Variants in RPRD1A observed in about 807,000 individuals in gnomAD.
RPRD1A encodes the protein regulation of nuclear pre-mRNA domain containing 1A.
RPRD1A carries 9 observed loss-of-function variants against 37.8 expected under a neutral mutation model. That is an observed-to-expected ratio of 0.24 (90% confidence interval 0.14 to 0.42). RPRD1A has a LOEUF of 0.42. RPRD1A is among the 10% of genes least tolerant of loss of function. The pLI, the probability that RPRD1A is intolerant of heterozygous loss-of-function variation, is 1.00. For synonymous variants in RPRD1A, 138 were observed against 139.7 expected, an observed-to-expected ratio of 0.99 and a Z score of 0.08; for missense variants, 255 against 371.0, an observed-to-expected ratio of 0.69 and a Z score of 2.57.
intron 1 of RPRD1A, among the ~76,000 whole-genome samples, chr18:36,060,454 A>C (rs1397320934): frequency 6.6e-6 from 1 of 152,148 alleles, no homozygotes; most frequent in Non-Finnish European, 1.5e-5. Context: ...AAAAAGAAAA[A>C]TGTTCTTTCA....
rs1196421755 is a variant in RPRD1A, at chr18:35,990,132, C to G, written c.*3019G>C. 2.0e-5 allele frequency: 3 copies of G among 152,286 alleles called. No homozygotes were observed. Among genetic ancestry groups the G allele is most frequent in the African/African-American group, 7.2e-5 (3 of 41,564 alleles). The allele number at this position is 152,286 out of a possible 1,614,324, so 9.4% of individuals were successfully genotyped here. On this transcript the variant is annotated 3_prime_UTR_variant, in exon 7 of 7. Transcript: ENST00000399022. The stretch of plus-strand genomic sequence containing the variant: ...TTAGGAGCTATTTCTTAATAGAATA[C>G]AAAGCAGTTTAGTAGCTTTATGTTA...
At position 35,992,886 on chromosome 18, in the gene RPRD1A, A is replaced by C. The variant is rs1248277931; in HGVS notation, c.*265T>G. ...TCACAAGGCCTTGGATCAAAAAAAA[A>C]ATTTACAAAAAGATCTTTTGAAAAT... On this transcript the variant is annotated 3_prime_UTR_variant, in exon 7 of 7. Transcript: ENST00000399022. The C allele has an allele frequency of 7.0e-6, 2 of 285,682 alleles. No individual in the cohort carries two copies. Among genetic ancestry groups the C allele is most frequent in the Non-Finnish European group, 6.4e-6 (1 of 156,382 alleles). The allele number at this position is 285,682 out of a possible 1,614,324, so 17.7% of individuals were successfully genotyped here.
intron 1 of RPRD1A, among the ~76,000 whole-genome samples, chr18:36,055,304 A>G (rs1231264908): frequency 6.6e-6 from 1 of 152,272 alleles, no homozygotes; most frequent in Non-Finnish European, 1.5e-5. Flanking sequence ...TGCCATCACA[A>G]AAATCAATCA....
At chr18:36,003,190 G>A (rs1421505774) in intron 6 of RPRD1A, among the ~76,000 whole-genome samples, 1 of 152,132 alleles carries the variant, frequency 6.6e-6, no homozygotes, top group South Asian at 2.1e-4. Flanking sequence ...AATTCATTTT[G>A]GTAATATGGA....
chr18:35,998,262 G>A (rs150460759), intron 6 of RPRD1A, among the ~76,000 whole-genome samples: 1,525 of 152,204 alleles, frequency 0.01, 14 homozygotes, highest in South Asian at 0.035. Flanking sequence ...GGAGGCTGAG[G>A]CAGGAGAACA....
At chr18:36,025,789 A>G in intron 6 of RPRD1A, 1 of 369,678 alleles carries the variant, frequency 2.7e-6, no homozygotes, top group South Asian at 2.7e-5. Flanking sequence ...AATTAACACT[A>G]TGTTTAAAAT....
intron 6 of RPRD1A, 49 bp downstream of exon 6, chr18:36,026,851 A>G: frequency 6.6e-7 from 1 of 1,520,084 alleles, no homozygotes; most frequent in Non-Finnish European, 8.9e-7. Flanking sequence ...AATTCCTAAC[A>G]AAAAGAGAAT....
chr18:36,020,407 C>T (rs1209637989), intron 6 of RPRD1A, among the ~76,000 whole-genome samples: 5 of 152,136 alleles, frequency 3.3e-5, no homozygotes, highest in African/African-American at 1.2e-4. Flanking sequence ...GTGTGTTTTC[C>T]TCTGGAGAAA....
chr18:36,019,239 C>CCGGGA (rs994096382), intron 6 of RPRD1A, among the ~76,000 whole-genome samples: 19 of 151,916 alleles, frequency 1.3e-4, no homozygotes, highest in Middle Eastern at 3.4e-3. Context: ...TCCCGAGCAG[C>CCGGGA]CGGGACTACA....
chr18:35,998,185 C>A (rs1302542535), intron 6 of RPRD1A, among the ~76,000 whole-genome samples: 1 of 152,022 alleles, frequency 6.6e-6, no homozygotes, highest in Non-Finnish European at 1.5e-5. Flanking sequence ...ATGGTGAAAC[C>A]CTGTTTCTAC....
chr18:35,997,771 AG>A (rs1909170712), intron 6 of RPRD1A, among the ~76,000 whole-genome samples: 1 of 152,228 alleles, frequency 6.6e-6, no homozygotes, highest in Non-Finnish European at 1.5e-5. Flanking sequence ...TAGATACTTC[AG>A]TTAGTATGTA....
intron 1 of RPRD1A, among the ~76,000 whole-genome samples, chr18:36,055,309 CAATCAATACA>C (rs1913683570): frequency 6.6e-6 from 1 of 152,200 alleles, no homozygotes; most frequent in African/African-American, 2.4e-5. Context: ...TCACAAAAAT[CAATCAATACA>C]AATCATTTCC....
intron 1 of RPRD1A, among the ~76,000 whole-genome samples, chr18:36,060,695 TAATAC>T (rs1301614257): frequency 2.0e-5 from 3 of 152,148 alleles, no homozygotes; most frequent in Non-Finnish European, 2.9e-5. Context: ...CCCCAACCTA[TAATAC>T]AATATAAAAT....
chr18:36,000,736 T>A (rs1909364137), intron 6 of RPRD1A, among the ~76,000 whole-genome samples: 1 of 152,166 alleles, frequency 6.6e-6, no homozygotes, highest in African/African-American at 2.4e-5. Flanking sequence ...AACCATGTAT[T>A]ATAGATGATG....
chr18:36,045,913 T>C (rs543413175), intron 1 of RPRD1A, among the ~76,000 whole-genome samples: 2 of 152,182 alleles, frequency 1.3e-5, no homozygotes, highest in Non-Finnish European at 2.9e-5. Flanking sequence ...GACCTGTTTA[T>C]CAAAAGTCAT....
chr18:36,066,039 CT>C (rs1215503571), intron 1 of RPRD1A, among the ~76,000 whole-genome samples: 1 of 152,198 alleles, frequency 6.6e-6, no homozygotes, highest in Non-Finnish European at 1.5e-5. Context: ...TAATTCCTGA[CT>C]TTTCAAAGTT....
intron 1 of RPRD1A, among the ~76,000 whole-genome samples, chr18:36,053,751 A>G (rs1471060703): frequency 2.0e-5 from 3 of 152,214 alleles, no homozygotes; most frequent in African/African-American, 7.2e-5. Context: ...TAGTAGGTAA[A>G]TGAGATTAGA....
At chr18:36,033,876 T>A in intron 1 of RPRD1A, 39 bp from the exon 2 acceptor site, 1 of 1,559,648 alleles carries the variant, frequency 6.4e-7, no homozygotes. Flanking sequence ...ACTTAAAACA[T>A]CTTTACTTGG....
At chr18:36,017,118 T>G (rs986371452) in intron 6 of RPRD1A, among the ~76,000 whole-genome samples, 13 of 152,112 alleles carry the variant, frequency 8.5e-5, no homozygotes, top group Non-Finnish European at 1.3e-4. Flanking sequence ...GAGACCAGCC[T>G]GGGCAACACG....
Sources: allele counts gnomAD v4.1 joint callset (sites outside exome capture counted in the v4.1 genomes callset), GRCh38; gene constraint gnomAD v4.1.1; transcripts MANE v1.5; gene names NCBI Gene and HGNC (gene_info 2026-07-23, HGNC 2026-07-21).